The following HERC1 variants were observed in gnomAD, a reference collection of about 807,000 sequenced individuals.
The protein encoded by HERC1 is HECT and RLD domain containing E3 ubiquitin protein ligase family member 1, also known as probable E3 ubiquitin-protein ligase HERC1.
HERC1 carries 160 observed loss-of-function variants against 554.3 expected under a neutral mutation model. That is an observed-to-expected ratio of 0.29 (90% CI 0.25 to 0.33). The LOEUF (loss-of-function observed/expected upper bound fraction) is 0.33. Among genes scored for constraint, HERC1 ranks in the 10% least tolerant of loss-of-function variants. The pLI, the probability that HERC1 is intolerant of heterozygous loss-of-function variation, is 1.00. For synonymous variants in HERC1, 2,175 were observed against 2,131.7 expected (o/e 1.02, Z -0.56); for missense variants, 4,919 against 5,918.5 (o/e 0.83, Z 5.54).
rs139929853 is a variant in HERC1 at position 63,650,186 on chromosome 15, T to A, written c.10547-261A>T. Among the ~76,000 whole-genome samples, 1,814 of 152,090 alleles carry A rather than the reference T, an allele frequency of 0.012. 32 individuals carry two copies. Among genetic ancestry groups the A allele is most frequent in the African/African-American group, 0.042 (1,744 of 41,480 alleles). On this transcript the variant is annotated intron_variant, in intron 53 of 77. Coordinates refer to ENST00000443617, the MANE Select transcript of HERC1 (RefSeq NM_003922.4). The stretch of plus-strand genomic sequence containing the variant: ...GGGAGGCCAAGACGGGCGGATCACC[T>A]GAGGTCAGGAATTCGAGACCAGCCT...
Position 63,638,541 on chromosome 15 carries a change from A to G in HERC1, c.11968-5T>C. On this transcript the variant is annotated splice_region_variant and splice_polypyrimidine_tract_variant and intron_variant, in intron 62 of 77. Coordinates refer to ENST00000443617, the MANE Select transcript of HERC1 (RefSeq NM_003922.4). Reference sequence around the variant, plus strand: ...TTTACCTCCCAGGTGCCAGTCCTAGAAAACCACAATCATCTCAAAATTAGA... The same window carrying G: ...TTTACCTCCCAGGTGCCAGTCCTAGGAAACCACAATCATCTCAAAATTAGA... The G allele has an allele frequency of 6.2e-7, 1 of 1,613,788 alleles. No individual in the cohort carries two copies. Among genetic ancestry groups the G allele is most frequent in the Non-Finnish European group, 8.5e-7 (1 of 1,179,786 alleles).
intron 1 of HERC1, among the ~76,000 whole-genome samples, chr15:63,822,956 C>T (rs1596329072): frequency 6.6e-6 from 1 of 152,154 alleles, no homozygotes; most frequent in East Asian, 1.9e-4. Context: ...TTTATTAATA[C>T]TAAGAGCAGA....
chr15:63,679,857 T>C (rs951487399), intron 36 of HERC1, among the ~76,000 whole-genome samples: 6 of 152,224 alleles, frequency 3.9e-5, no homozygotes, highest in Non-Finnish European at 8.8e-5. Context: ...CGTTTGAAAG[T>C]TGACTCACTG....
In HERC1 at chr15:63,750,777, A is replaced by T. The variant is rs539048903; in HGVS notation, c.1903-986T>A. 5.3e-4 allele frequency among the ~76,000 whole-genome samples: 81 copies of T among 152,140 alleles called. 1 individual carries two copies. Among genetic ancestry groups the T allele is most frequent in the African/African-American group, 1.8e-3 (73 of 41,504 alleles). Reference sequence around the variant, plus strand: ...CAAGACCCGATCTCCACAAAAATTTAAAAAAATTGGTCAAGCATTGTGGCA... The same window carrying T: ...CAAGACCCGATCTCCACAAAAATTTTAAAAAATTGGTCAAGCATTGTGGCA... On this transcript the variant is annotated intron_variant, in intron 8 of 77. Transcript: ENST00000443617.
At chr15:63,637,220 C>A in intron 64 of HERC1, 1 of 509,792 alleles carries the variant, frequency 2.0e-6, no homozygotes, top group Non-Finnish European at 3.7e-6. Context: ...TTAACATCTG[C>A]CTACTTACAC....
Position 63,718,498 on chromosome 15 carries a change from T to C in HERC1, c.3978+76A>G. On this transcript the variant is annotated intron_variant, in intron 21 of 77. Transcript: ENST00000443617. This position sits in a 1 kb window ranked among gnomAD's most constrained non-coding sequence, Gnocchi z 4.2. ...ATGCAATAACCAAGGCACATTTTTT[T>C]CTCACATAAACCAATTTAGAGCTAG... 1 of 1,418,668 alleles carries C rather than the reference T, an allele frequency of 7.0e-7. No individual in the cohort carries two copies. 87.9% of individuals were successfully genotyped at this position (1,418,668 alleles called of 1,614,324 possible).
intron 1 of HERC1, among the ~76,000 whole-genome samples, chr15:63,824,187 T>C (rs1439753871): frequency 6.6e-6 from 1 of 151,932 alleles, no homozygotes; most frequent in Non-Finnish European, 1.5e-5. Flanking sequence ...ACACTGTTGG[T>C]GGAAATGTAA....
Position 63,696,158 on chromosome 15 carries a change from C to G in HERC1, c.5087G>C (p.Gly1696Ala), listed in dbSNP as rs2255243. The G allele has an allele frequency of 0.83, 1,332,562 of 1,612,642 alleles. 569,332 individuals carry two copies. Among genetic ancestry groups the G allele is most frequent in the Non-Finnish European group, 0.88 (1,035,629 of 1,179,224 alleles). Residue 1696 changes from glycine to alanine, a missense_variant, in exon 27 of 78, where the codon GGC (glycine) becomes GCC (alanine). Physicochemically the swap from Gly to Ala is moderately conservative, Grantham distance 60 (BLOSUM62 0). Around this residue, in one of 11 missense-constraint regions of HERC1, gnomAD observed 1,121 missense variants for 1,244.0 expected, o/e 0.90. Coordinates refer to ENST00000443617, the MANE Select transcript of HERC1 (RefSeq NM_003922.4). Reference sequence around the variant, plus strand: ...ATGCAATCGGCCACTCTCTCCCTTGCCTCCTGTGTGTCCAACAGTGCCTAA... The same window carrying G: ...ATGCAATCGGCCACTCTCTCCCTTGGCTCCTGTGTGTCCAACAGTGCCTAA... Reference protein sequence around the residue: ...FGLGTVGHTGGKGESGRLHHY... With the variant: ...FGLGTVGHTGAKGESGRLHHY...
chr15:63,788,084 G>C (rs1398718404), intron 1 of HERC1, among the ~76,000 whole-genome samples: 1 of 151,952 alleles, frequency 6.6e-6, no homozygotes, highest in Non-Finnish European at 1.5e-5. Context: ...GATCAGAATA[G>C]CTACAATACA....
chr15:63,628,945 A>G, intron 69 of HERC1, 130 bp from the exon 70 acceptor site: 2 of 852,256 alleles, frequency 2.3e-6, no homozygotes, highest in Non-Finnish European at 3.6e-6. Flanking sequence ...GCATCAATAA[A>G]ACACATTCTT....
At chr15:63,678,480 T>C (rs1013797657) in intron 36 of HERC1, 115 bp from the exon 37 acceptor site, 1 of 1,231,414 alleles carries the variant, frequency 8.1e-7, no homozygotes, top group South Asian at 1.6e-5. Flanking sequence ...TCTTCATACA[T>C]GTGAATTATA....
At position 63,628,690 on chromosome 15, in the gene HERC1, T is replaced by C; in HGVS notation, c.13092A>G (p.Pro4364=). 6.2e-7 allele frequency: 1 copy of C among 1,609,020 alleles called. No individual in the cohort carries two copies. Among genetic ancestry groups the C allele is most frequent in the Non-Finnish European group, 8.5e-7 (1 of 1,178,558 alleles). ...TTCATTCCTCACCTGGTGCTCTTGG[T>C]GGGACAGGTGGTGCTGTCCATGCAG... ...HSAAWTAPPV[P]PRAPGVSVPL... The change falls in exon 70 of 78, where the codon CCA becomes CCG. Residue 4364 remains proline, a synonymous_variant. Transcript: ENST00000443617.
At chr15:63,660,350 A>C (rs145317697) in intron 46 of HERC1, among the ~76,000 whole-genome samples, 57 of 152,108 alleles carry the variant, frequency 3.7e-4, no homozygotes, top group African/African-American at 1.1e-3. Flanking sequence ...TAAATAAATA[A>C]ATACATACAT....
At chr15:63,625,790 C>G (rs1368703040) in intron 71 of HERC1, among the ~76,000 whole-genome samples, 195 bp downstream of exon 71, 1 of 152,164 alleles carries the variant, frequency 6.6e-6, no homozygotes, top group Non-Finnish European at 1.5e-5. Flanking sequence ...GAAGACCACT[C>G]TGTCCAGCAG....
At chr15:63,659,338 A>C (rs1406368584) in intron 47 of HERC1, among the ~76,000 whole-genome samples, 1 of 152,070 alleles carries the variant, frequency 6.6e-6, no homozygotes, top group Admixed American at 6.5e-5. Flanking sequence ...CATAACCTCA[A>C]ACTCCTGGGA....
At chr15:63,811,826 A>AAAC (rs1268774520) in intron 1 of HERC1, among the ~76,000 whole-genome samples, 1 of 151,854 alleles carries the variant, frequency 6.6e-6, no homozygotes, top group African/African-American at 2.4e-5. Context: ...AAAAAAAAAA[A>AAAC]AACAGAAAGG....
intron 55 of HERC1, 147 bp from the exon 56 acceptor site, chr15:63,645,829 C>T (rs1050357201): frequency 8.6e-6 from 5 of 580,190 alleles, no homozygotes; most frequent in Non-Finnish European, 1.5e-5. Flanking sequence ...AAATCAGATA[C>T]TGCCATATCA....
chr15:63,700,285 A>G (rs1446150177), intron 25 of HERC1, among the ~76,000 whole-genome samples: 2 of 152,140 alleles, frequency 1.3e-5, no homozygotes, highest in Admixed American at 1.3e-4. Flanking sequence ...TGATTGCTGT[A>G]TAACATCCTA....
intron 12 of HERC1, among the ~76,000 whole-genome samples, chr15:63,737,400 GATATATATATATATATCTTTTTTCC>G (rs1567069458): frequency 6.7e-5 from 5 of 74,450 alleles, no homozygotes; most frequent in African/African-American, 2.6e-4. Context: ...CGTTTTTCCA[GATATATATATATATATCTTTTTTCC>G]AGATATATAT....
Sources: gnomAD v4.1 joint callset for allele counts (sites outside exome capture counted in the v4.1 genomes callset) on GRCh38, gnomAD v4.1.1 for gene constraint, gnomAD v4.1.1 regional missense constraint, Gnocchi (gnomAD v3.1) non-coding constraint, MANE v1.5 for transcripts, NCBI Gene and HGNC (gene_info 2026-07-23, HGNC 2026-07-21) for gene names.